THOC2: variants seen among roughly 807,000 people sequenced by gnomAD.
THOC2 encodes the protein THO complex 2.
THOC2 carries 10 observed loss-of-function variants against 128.4 expected under a neutral mutation model. The observed-to-expected ratio is 0.08, with a 90% CI of 0.05 to 0.13. THOC2 has a LOEUF of 0.13. THOC2 is among the 10% of genes least tolerant of loss of function. THOC2 has a pLI of 1.00. For synonymous variants in THOC2, 393 were observed against 396.9 expected (o/e 0.99, Z 0.12); for missense variants, 535 against 1,155.7 (o/e 0.46, Z 7.79).
chrX:123,692,140 GA>G (rs2050246265), intron 7 of THOC2, among the ~76,000 whole-genome samples: 2 of 111,787 alleles, frequency 1.8e-5, no homozygotes, highest in Non-Finnish European at 3.8e-5. Flanking sequence ...TGTACAGCAT[GA>G]TGCTCTGATT....
chrX:123,666,576 C>A (rs2049060542), intron 11 of THOC2, among the ~76,000 whole-genome samples: 1 of 111,478 alleles, frequency 9.0e-6, no homozygotes, highest in Non-Finnish European at 1.9e-5. Context: ...CAATACTGCT[C>A]CTAAGTATCC....
intron 30 of THOC2, 102 bp from the exon 31 acceptor site, chrX:123,621,689 A>G: frequency 1.6e-6 from 1 of 638,177 alleles, no homozygotes; most frequent in Middle Eastern, 5.5e-4. Context: ...AACTTCAAAA[A>G]TACTAGAACT....
intron 9 of THOC2, among the ~76,000 whole-genome samples, chrX:123,669,146 T>C (rs2147809617): frequency 9.3e-6 from 1 of 107,489 alleles, no homozygotes; most frequent in East Asian, 2.9e-4. Flanking sequence ...CATTATAGAT[T>C]TCATTCCATT....
At chrX:123,690,344 T>C (rs2147882556) in intron 7 of THOC2, among the ~76,000 whole-genome samples, 1 of 111,902 alleles carries the variant, frequency 8.9e-6, no homozygotes, top group South Asian at 3.7e-4. Context: ...AAAAGTCAAA[T>C]TGTACACTTT....
rs745507271 is a variant in THOC2 at position 123,627,987 on chromosome X, A to AATAC, written c.2482-23_2482-20dup. 2.6e-5 allele frequency: 29 copies of AATAC among 1,123,827 alleles called. No individual in the cohort carries two copies. Among genetic ancestry groups the AATAC allele is most frequent in the Admixed American group, 8.9e-5 (4 of 45,190 alleles). 92.6% of individuals were successfully genotyped at this position (1,123,827 alleles called of 1,213,427 possible). The stretch of plus-strand genomic sequence containing the variant: ...ACTTTGACTGTAGATAAAAAGTAAA[A>AATAC]ATACATACATACATACACACACAAC... On this transcript the variant is annotated intron_variant, in intron 22 of 38. Coordinates refer to ENST00000245838, the MANE Select transcript of THOC2 (RefSeq NM_001081550.2).
Position 123,626,099 on chromosome X carries a change from G to A in THOC2, c.2900-30C>T. ...AAATAAAGGAAGAATATATTAAGTG[G>A]TAAACTTCTTCCCCAAGTGCCTCAA... On this transcript the variant is annotated intron_variant, in intron 24 of 38. Transcript: ENST00000245838. 5 of 1,094,127 alleles carry A rather than the reference G, an allele frequency of 4.6e-6. No individual in the cohort carries two copies. In the South Asian group the frequency reaches 6.0e-5, roughly 13 times the overall value. The allele number at this position is 1,094,127 out of a possible 1,213,427, so 90.2% of individuals were successfully genotyped here. A position where few individuals can be genotyped will look rare whatever the true frequency, so the allele number is the denominator to read the frequency against.
intron 1 of THOC2, among the ~76,000 whole-genome samples, chrX:123,727,797 G>A (rs1010855269): frequency 9.0e-6 from 1 of 111,707 alleles, no homozygotes; most frequent in African/African-American, 3.3e-5. Context: ...ATAGTTTAGT[G>A]CTATTATGGA....
At chrX:123,694,565 G>A (rs938026724) in intron 7 of THOC2, among the ~76,000 whole-genome samples, 14 of 105,989 alleles carry the variant, frequency 1.3e-4, no homozygotes, top group African/African-American at 3.5e-4. Flanking sequence ...CTGGGATTGC[G>A]CCACTGCACT....
chrX:123,658,244 C>A (rs759998131), intron 12 of THOC2, among the ~76,000 whole-genome samples: 2 of 110,674 alleles, frequency 1.8e-5, no homozygotes, highest in East Asian at 5.7e-4. Flanking sequence ...AAAACAGGGG[C>A]AAAAACTAAA....
chrX:123,733,026 C>T lies in THOC2; in HGVS notation c.-4G>A. The T allele has an allele frequency of 8.3e-7, 1 of 1,210,955 alleles. No individual in the cohort carries two copies. ...CCACCACAGCCGCGGCCGCCATCTT[C>T]CTCTCACTAGTAGCAGAAGCCCGGA... is the stretch of plus-strand genomic sequence containing the variant. On this transcript the variant is annotated 5_prime_UTR_variant, in exon 1 of 39. Coordinates refer to ENST00000245838, the MANE Select transcript of THOC2 (RefSeq NM_001081550.2).
intron 12 of THOC2, among the ~76,000 whole-genome samples, chrX:123,652,971 C>G (rs2048420582): frequency 8.9e-6 from 1 of 111,776 alleles, no homozygotes; most frequent in Non-Finnish European, 1.9e-5. Flanking sequence ...CCAAGACAAT[C>G]CTAAGCAAAA....
At chrX:123,639,923 C>T (rs1180686603) in intron 16 of THOC2, among the ~76,000 whole-genome samples, 4 of 112,214 alleles carry the variant, frequency 3.6e-5, no homozygotes, top group African/African-American at 1.3e-4. Context: ...TGGTGGCTCA[C>T]GCCTATAATC....
chrX:123,690,212 G>A (rs756168408), intron 7 of THOC2, among the ~76,000 whole-genome samples: 66 of 111,258 alleles, frequency 5.9e-4, no homozygotes, highest in African/African-American at 2.0e-3. Context: ...GTGATTCTCC[G>A]GGAAAACAGA....
intron 16 of THOC2, among the ~76,000 whole-genome samples, 175 bp from the exon 17 acceptor site, chrX:123,639,202 T>C (rs934998688): frequency 2.7e-5 from 3 of 111,968 alleles, no homozygotes; most frequent in African/African-American, 9.7e-5. Context: ...CATATTTATA[T>C]AGAAATTACT....
chrX:123,651,028 C>T (rs2048331830), intron 12 of THOC2, among the ~76,000 whole-genome samples: 1 of 111,881 alleles, frequency 8.9e-6, no homozygotes, highest in Non-Finnish European at 1.9e-5. Flanking sequence ...TCACATCACA[C>T]TTATTCTAAA....
intron 12 of THOC2, among the ~76,000 whole-genome samples, chrX:123,653,415 T>C (rs940942590): frequency 5.3e-5 from 6 of 112,161 alleles, no homozygotes; most frequent in African/African-American, 1.6e-4. Context: ...AAAGCCAGAA[T>C]TGACAAACGG....
chrX:123,707,892 C>A (rs1186170817), intron 2 of THOC2, among the ~76,000 whole-genome samples: 3 of 108,472 alleles, frequency 2.8e-5, no homozygotes, highest in Non-Finnish European at 5.7e-5. Flanking sequence ...CTTTGTGGGG[C>A]CAAGACAGGA....
chrX:123,631,581 G>A, intron 22 of THOC2, 107 bp downstream of exon 22: 2 of 852,816 alleles, frequency 2.3e-6, no homozygotes, highest in East Asian at 6.6e-5. Flanking sequence ...TCCTAGTTTA[G>A]GGCCAAGACC....
intron 16 of THOC2, 36 bp from the exon 17 acceptor site, chrX:123,639,063 T>C: frequency 3.9e-6 from 3 of 769,790 alleles, no homozygotes; most frequent in Non-Finnish European, 5.7e-6. Context: ...AGGCATTAAC[T>C]GATCAAAGGA....
Sources: allele counts gnomAD v4.1 joint callset (sites outside exome capture counted in the v4.1 genomes callset), GRCh38; gene constraint gnomAD v4.1.1; transcripts MANE v1.5; gene names NCBI Gene and HGNC (gene_info 2026-07-23, HGNC 2026-07-21).